The following GAK variants were observed in gnomAD, a reference collection of about 807,000 sequenced individuals.
The protein encoded by GAK is cyclin-G-associated kinase.
In GAK, 79 loss-of-function variants were observed where a neutral mutation model predicts 143.9. The observed-to-expected ratio is 0.55, with a 90% CI of 0.46 to 0.66. The LOEUF is 0.66. Ranked by LOEUF, GAK falls within the 30% of genes least tolerant of loss-of-function variation. The pLI, the probability that GAK is intolerant of heterozygous loss-of-function variation, is 0.00. For synonymous variants in GAK, 881 were observed against 765.5 expected, an observed-to-expected ratio of 1.15 and a Z score of -2.49; for missense variants, 1,693 against 1,779.7, an observed-to-expected ratio of 0.95 and a Z score of 0.88.
Position 883,449 on chromosome 4 carries a change from C to A in GAK, c.1270G>T (p.Ala424Ser), listed in dbSNP as rs201737172. The change falls in exon 13 of 28, where the codon GCA becomes TCA. Residue 424 changes from alanine to serine, a missense_variant. Around this residue, in one of 2 missense-constraint regions of GAK, gnomAD observed 871 missense variants for 991.0 expected, o/e 0.88. Transcript: ENST00000314167. ...TTGAGCGCTGACTCCACACCTTCTG[C>A]TGGGAATGACATCACTGAAACAAGC... ...TSRIAVMSFP[A>S]EGVESALKNN... 6.2e-7 allele frequency: 1 copy of A among 1,613,558 alleles called. No homozygotes were observed. Among genetic ancestry groups the A allele is most frequent in the Non-Finnish European group, 8.5e-7 (1 of 1,180,004 alleles).
At chr4:892,229 G>A (rs1026937159) in intron 9 of GAK, among the ~76,000 whole-genome samples, 2 of 152,156 alleles carry the variant, frequency 1.3e-5, no homozygotes, top group South Asian at 4.1e-4. Flanking sequence ...TGGAAGTTCC[G>A]GCTTCCAGCT....
chr4:911,159 C>A (rs188720054), intron 4 of GAK, among the ~76,000 whole-genome samples: 2 of 152,176 alleles, frequency 1.3e-5, no homozygotes, highest in Non-Finnish European at 2.9e-5. Flanking sequence ...TGAGGCTGGG[C>A]ACCCACAGAG....
At chr4:868,087 G>A (rs1435251410) in intron 20 of GAK, among the ~76,000 whole-genome samples, 1 of 152,226 alleles carries the variant, frequency 6.6e-6, no homozygotes, top group Non-Finnish European at 1.5e-5. Flanking sequence ...GGGTGTGTCT[G>A]GGGTGAGGTC....
At position 877,652 on chromosome 4, in the gene GAK, G is replaced by A. The variant is rs979901033; in HGVS notation, c.1819C>T (p.Arg607Cys). 1.9e-6 allele frequency: 3 copies of A among 1,605,538 alleles called. No homozygotes were observed. Among genetic ancestry groups the A allele is most frequent in the African/African-American group, 1.3e-5 (1 of 74,846 alleles). The change falls in exon 16 of 28, where the codon CGT becomes TGT. Residue 607 changes from arginine to cysteine, a missense_variant. Arg to Cys is a radical substitution (Grantham distance 180). Transcript: ENST00000314167. ...TACTCCTGGGAGGTGCTGGCCACAC[G>A]CTCGTCCCCCACGTAGACCTCGCAG... is the stretch of plus-strand genomic sequence containing the variant. ...PFCEVYVGDE[R>C]VASTSQEYDK...
At position 897,016 on chromosome 4, in the gene GAK, AGAGCCTC is replaced by A. The variant is rs536467583; in HGVS notation, c.652-474_652-468del. ...CCGACTGGTTCAAGGTTAACAATGG[AGAGCCTC>A]ACAAACACACGGAGGCACTTGCGAG... On this transcript the variant is annotated intron_variant, in intron 6 of 27. Transcript: ENST00000314167. Among the ~76,000 whole-genome samples the A allele has an allele frequency of 2.0e-3, 305 of 152,356 alleles. 12 individuals carry two copies. In the South Asian group the frequency reaches 0.059, roughly 30 times the overall value.
At chr4:907,440 G>A (rs1473974836) in intron 4 of GAK, among the ~76,000 whole-genome samples, 4 of 152,264 alleles carry the variant, frequency 2.6e-5, no homozygotes, top group African/African-American at 7.2e-5. Context: ...AGACCCGGGA[G>A]AGGCTGAGGC....
chr4:913,652 C>G lies in GAK; in HGVS notation c.162G>C (p.Val54=). Residue 54 remains valine (V), a synonymous_variant, in exon 2 of 28, where the codon GTG becomes GTC. Transcript: ENST00000314167. ...RVLAEGGFAF[V]YEAQDVGSGR... ...CACTCCCCACATCTTGAGCTTCATA[C>G]ACAAATGCAAACCCTCCTGAAAATT... 6.2e-7 allele frequency: 1 copy of G among 1,613,604 alleles called. No homozygotes were observed. Among genetic ancestry groups the G allele is most frequent in the East Asian group, 2.2e-5 (1 of 44,884 alleles).
intron 1 of GAK, among the ~76,000 whole-genome samples, chr4:922,479 C>T (rs1246725421): frequency 6.9e-6 from 1 of 145,802 alleles, no homozygotes; most frequent in Non-Finnish European, 1.5e-5. Flanking sequence ...TGCGCCACTG[C>T]ACTCCAGTCT....
intron 2 of GAK, among the ~76,000 whole-genome samples, chr4:913,171 G>A (rs1158704247): frequency 3.9e-5 from 6 of 152,256 alleles, no homozygotes; most frequent in South Asian, 4.1e-4. Flanking sequence ...GGTGCCCAGC[G>A]TGGTGACAGC....
At chr4:895,738 G>A (rs1438457954) in intron 7 of GAK, among the ~76,000 whole-genome samples, 2 of 152,228 alleles carry the variant, frequency 1.3e-5, no homozygotes, top group Non-Finnish European at 2.9e-5. Flanking sequence ...TGGCCTTGGA[G>A]AGATGCAGGG....
rs553736457 is a variant in GAK, at chr4:878,123, G to A, written c.1662-314C>T. Among the ~76,000 whole-genome samples the A allele has an allele frequency of 3.3e-5, 5 of 151,716 alleles. No individual in the cohort carries two copies. The East Asian group carries it at 1.0e-3, about 31-fold the overall frequency. ...CTTAATTTTGAGGCCAGGCGCGGTG[G>A]CTCACGCCTGTAATCCTAGCACTTT... On this transcript the variant is annotated intron_variant, in intron 15 of 27. Coordinates refer to ENST00000314167, the MANE Select transcript of GAK (RefSeq NM_005255.4).
intron 24 of GAK, among the ~76,000 whole-genome samples, chr4:855,336 T>TAA (rs773175977): frequency 7.0e-6 from 1 of 142,516 alleles, no homozygotes; most frequent in Non-Finnish European, 1.5e-5. Context: ...TTATTTTTTC[T>TAA]AAAAAAAAAA....
chr4:895,464 G>A (rs1023297437), intron 7 of GAK, among the ~76,000 whole-genome samples: 3 of 152,198 alleles, frequency 2.0e-5, no homozygotes, highest in Non-Finnish European at 2.9e-5. Flanking sequence ...GACCACACAC[G>A]TGGCCCCATC....
At chr4:862,078 C>T (rs1750380635) in intron 23 of GAK, among the ~76,000 whole-genome samples, 1 of 151,974 alleles carries the variant, frequency 6.6e-6, no homozygotes, top group Non-Finnish European at 1.5e-5. Flanking sequence ...GAGGCTGCAC[C>T]CGCCAGACTC....
At position 859,586 on chromosome 4, in the gene GAK, C is replaced by A. The variant is rs763700279; in HGVS notation, c.3283+20G>T. ...TACAAGGAAACAGCTTCCACACCCC[C>A]AAAGTGCCCTCCACGTTACCTTGGA... On this transcript the variant is annotated intron_variant, in intron 24 of 27. Transcript: ENST00000314167. 4 of 1,590,714 alleles carry A rather than the reference C, an allele frequency of 2.5e-6. No individual in the cohort carries two copies. The South Asian group carries it at 3.3e-5, about 13-fold the overall frequency.
chr4:882,678 C>T lies in GAK; in HGVS notation c.1527+19G>A, dbSNP rs779809856. ...AACTTTGACAGAAGACGGCGCCAGCCCACGGCCCTCGAGCTCACCATGCAG... is the reference window on the plus strand; with the variant it reads ...AACTTTGACAGAAGACGGCGCCAGCTCACGGCCCTCGAGCTCACCATGCAG... On this transcript the variant is annotated intron_variant, in intron 14 of 27. Transcript: ENST00000314167. 6.2e-7 allele frequency: 1 copy of T among 1,609,210 alleles called. No homozygotes were observed. The highest frequency in any genetic ancestry group is 8.5e-7 in the Non-Finnish European group (1 of 1,179,618).
chr4:932,164 G>T lies in GAK; in HGVS notation c.24C>A (p.Leu8=). 1.3e-6 allele frequency: 2 copies of T among 1,576,112 alleles called. No homozygotes were observed. The highest frequency in any genetic ancestry group is 1.7e-6 in the Non-Finnish European group (2 of 1,163,706). The part of the protein sequence containing the change: MSLLQSA[L]DFLAGPGSLG... ...GGGAGCCTGGACCCGCCAAGAAGTC[G>T]AGCGCCGACTGCAGCAGCGACATGG... The change falls in exon 1 of 28, where the codon CTC becomes CTA. Residue 8 remains leucine, a synonymous_variant. Transcript: ENST00000314167. The surrounding 1 kb of genome is among the most constrained non-coding windows in gnomAD (Gnocchi z 4.0).
At position 881,963 on chromosome 4, in the gene GAK, G is replaced by A. The variant is rs538940828; in HGVS notation, c.1605C>T (p.Ala535=). Residue 535 remains alanine, a synonymous_variant, in exon 15 of 28, where the codon GCC becomes GCT. Coordinates refer to ENST00000314167, the MANE Select transcript of GAK (RefSeq NM_005255.4). ...AGCGCTTCATGCTGAACATGTACAC[G>A]GCGGCCTCCGCGGTGCTGAAGAGAC... ...FCRLFSTAEA[A]VYMFSMKRCP... 23 of 1,601,308 alleles carry A rather than the reference G, an allele frequency of 1.4e-5. No homozygotes were observed. The highest frequency in any genetic ancestry group is 1.7e-4 in the Middle Eastern group (1 of 6,050).
chr4:866,651 C>T (rs1307338094), intron 21 of GAK, 117 bp from the exon 22 acceptor site: 11 of 1,115,390 alleles, frequency 9.9e-6, no homozygotes, highest in African/African-American at 6.2e-5. Context: ...CCAGACCCCA[C>T]GGCTGCCCTC....
Sources: allele counts gnomAD v4.1 joint callset (sites outside exome capture counted in the v4.1 genomes callset), GRCh38; gene constraint gnomAD v4.1.1; regional missense constraint gnomAD v4.1.1; non-coding constraint Gnocchi (gnomAD v3.1); transcripts MANE v1.5; gene names NCBI Gene and HGNC (gene_info 2026-07-23, HGNC 2026-07-21).